HPSE: variants seen among roughly 807,000 people sequenced by gnomAD.
The protein encoded by HPSE is heparanase.
In HPSE, 48 loss-of-function variants were observed where a neutral mutation model predicts 65.1. The observed-to-expected ratio is 0.74, with a 90% CI of 0.58 to 0.94. The LOEUF (loss-of-function observed/expected upper bound fraction) is 0.94. Ranked by LOEUF, HPSE falls within the 40% of genes least tolerant of loss-of-function variation. The pLI is 0.00. For synonymous variants in HPSE, 243 were observed against 260.0 expected (o/e 0.93, Z 0.63); for missense variants, 644 against 637.5 (o/e 1.01, Z -0.11).
intron 1 of HPSE, among the ~76,000 whole-genome samples, chr4:83,324,049 T>C (rs552762024): frequency 8.6e-5 from 13 of 151,740 alleles, no homozygotes; most frequent in Admixed American, 2.0e-4. Context: ...TTTGTCTACA[T>C]GTAGGTTTAT....
Position 83,298,906 on chromosome 4 carries a change from C to T in HPSE, c.1472+2054G>A, listed in dbSNP as rs138827452. On this transcript the variant is annotated intron_variant, in intron 11 of 11. Coordinates refer to ENST00000311412, the MANE Select transcript of HPSE (RefSeq NM_001098540.3). The stretch of plus-strand genomic sequence containing the variant: ...CTCCGAGGTCATTAATATGAGTAAG[C>T]GTACAGACTGTGCACTCAAAAACTT... 5.9e-5 allele frequency among the ~76,000 whole-genome samples: 9 copies of T among 152,028 alleles called. No individual in the cohort carries two copies. In the East Asian group the frequency reaches 1.2e-3, roughly 20 times the overall value.
At chr4:83,323,877 T>C (rs923837190) in intron 1 of HPSE, among the ~76,000 whole-genome samples, 1 of 152,138 alleles carries the variant, frequency 6.6e-6, no homozygotes, top group South Asian at 2.1e-4. Flanking sequence ...TGTTCATAAA[T>C]ATTTACATGA....
intron 3 of HPSE, among the ~76,000 whole-genome samples, chr4:83,315,985 A>G (rs1736617096): frequency 6.6e-6 from 1 of 152,232 alleles, no homozygotes; most frequent in South Asian, 2.1e-4. Flanking sequence ...CCTGGAATAG[A>G]GGCTATTGAC....
At chr4:83,316,143 C>T (rs776125248) in intron 3 of HPSE, among the ~76,000 whole-genome samples, 29 of 151,944 alleles carry the variant, frequency 1.9e-4, no homozygotes, top group Non-Finnish European at 3.5e-4. Flanking sequence ...TCTCCTGCCT[C>T]CACCTCTGCA....
Position 83,310,825 on chromosome 4 carries a change from T to C in HPSE, c.739A>G (p.Ile247Val), listed in dbSNP as rs770418887. The change falls in exon 5 of 12, where the codon ATT (isoleucine) becomes GTT (valine). Residue 247 changes from isoleucine to valine, a missense_variant. Transcript: ENST00000311412. ...INGSQLGEDF[I>V]QLHKLLRKST... ...TTTCTTAGAAGTTTATGCAATTGAATAAAATCTTCTCCTAACTGCGACCCA... is the reference window on the plus strand; with the variant it reads ...TTTCTTAGAAGTTTATGCAATTGAACAAAATCTTCTCCTAACTGCGACCCA... 5 of 1,614,022 alleles carry C rather than the reference T, an allele frequency of 3.1e-6. No homozygotes were observed. The highest frequency in any genetic ancestry group is 4.2e-6 in the Non-Finnish European group (5 of 1,179,870).
intron 4 of HPSE, among the ~76,000 whole-genome samples, chr4:83,312,448 C>T (rs986723884): frequency 9.3e-5 from 14 of 149,742 alleles, no homozygotes; most frequent in African/African-American, 2.2e-4. Context: ...GACGCCGAGG[C>T]GGGCAGATCA....
rs1736488975 is a variant in HPSE, at chr4:83,313,251, C to G, written c.536G>C (p.Cys179Ser). Residue 179 changes from cysteine (C) to serine (S), a missense_variant, in exon 4 of 12, where the codon TGC (cysteine) becomes TCC (serine). Cys to Ser is a moderately radical substitution (Grantham distance 112). Transcript: ENST00000311412. ...GCCAAAGATCAAGTCCAGTCCTGAG[C>G]AGTTTGCAAAAGTGTATAGCACATC... ...SVDVLYTFANCSGLDLIFGLN... is the reference protein window; with the variant it reads ...SVDVLYTFANSSGLDLIFGLN... The G allele has an allele frequency of 4.3e-6, 7 of 1,613,730 alleles. No individual in the cohort carries two copies. Among genetic ancestry groups the G allele is most frequent in the Non-Finnish European group, 5.9e-6 (7 of 1,179,896 alleles).
chr4:83,297,838 T>C (rs535094883), intron 11 of HPSE, among the ~76,000 whole-genome samples: 15 of 152,310 alleles, frequency 9.8e-5, no homozygotes, highest in African/African-American at 2.4e-4. Flanking sequence ...CAAACAAAAA[T>C]AGGTCTTGAA....
At chr4:83,299,782 C>T (rs922167209) in intron 11 of HPSE, among the ~76,000 whole-genome samples, 3 of 152,054 alleles carry the variant, frequency 2.0e-5, no homozygotes, top group Admixed American at 2.0e-4. Context: ...CAGCTCACTG[C>T]AGCCATGACC....
At chr4:83,307,159 T>C (rs1048354733) in intron 8 of HPSE, among the ~76,000 whole-genome samples, 5 of 152,190 alleles carry the variant, frequency 3.3e-5, no homozygotes, top group African/African-American at 1.2e-4. Context: ...ATTTGAGTAA[T>C]AATAAAACTC....
chr4:83,328,119 T>C (rs1421568397), intron 1 of HPSE, among the ~76,000 whole-genome samples: 1 of 152,236 alleles, frequency 6.6e-6, no homozygotes, highest in Non-Finnish European at 1.5e-5. Context: ...TCCAAGAGAC[T>C]GTATTAGTTT....
intron 11 of HPSE, among the ~76,000 whole-genome samples, chr4:83,297,431 C>G (rs535823683): frequency 3.3e-5 from 5 of 151,676 alleles, no homozygotes; most frequent in Non-Finnish European, 7.4e-5. Flanking sequence ...CTTTTTCTCA[C>G]ACCATTAAAC....
intron 9 of HPSE, 73 bp from the exon 10 acceptor site, chr4:83,302,341 G>A (rs1735984065): frequency 9.0e-6 from 8 of 889,092 alleles, no homozygotes; most frequent in Middle Eastern, 2.2e-4. Flanking sequence ...GAAACCAGTG[G>A]CAAGCAAATA....
At chr4:83,308,133 C>A (rs914051344) in intron 8 of HPSE, among the ~76,000 whole-genome samples, 1 of 150,258 alleles carries the variant, frequency 6.7e-6, no homozygotes, top group African/African-American at 2.5e-5. Context: ...TGTGGCCGGG[C>A]GTGGTGGCTC....
chr4:83,323,129 T>C (rs1578024238), intron 1 of HPSE, among the ~76,000 whole-genome samples: 1 of 151,946 alleles, frequency 6.6e-6, no homozygotes, highest in South Asian at 2.1e-4. Context: ...TATGGGACAG[T>C]AAAAAGATCA....
chr4:83,334,523 GA>G, intron 1 of HPSE, 32 bp downstream of exon 1: 1 of 1,547,754 alleles, frequency 6.5e-7, no homozygotes, highest in Non-Finnish European at 8.7e-7. Flanking sequence ...AGGAGGACAG[GA>G]AAGGGGACAG....
chr4:83,328,656 AG>A (rs765440211), intron 1 of HPSE, among the ~76,000 whole-genome samples: 6 of 151,268 alleles, frequency 4.0e-5, no homozygotes, highest in Non-Finnish European at 7.4e-5. Flanking sequence ...TGCCATCATG[AG>A]GGCAGAACAG....
chr4:83,295,447 G>A lies in HPSE; in HGVS notation c.1529C>T (p.Pro510Leu), dbSNP rs772349039. ...TGGCCGGAGAGGTTTTTCCATTAAA[G>A]GTGGCAAGGTTTGATCATCCACCAT... ...LKMVDDQTLP[P>L]LMEKPLRPGS... Residue 510 changes from proline to leucine, a missense_variant, in exon 12 of 12, where the codon CCT becomes CTT. By Grantham distance (98) the Pro-to-Leu change is moderately conservative. Coordinates refer to ENST00000311412, the MANE Select transcript of HPSE (RefSeq NM_001098540.3). 1 of 1,613,026 alleles carries A rather than the reference G, an allele frequency of 6.2e-7. No homozygotes were observed. Among genetic ancestry groups the A allele is most frequent in the East Asian group, 2.2e-5 (1 of 44,850 alleles).
rs1736307630 is a variant in HPSE, at chr4:83,310,056, C to G, written c.865G>C (p.Val289Leu). The G allele has an allele frequency of 1.2e-6, 2 of 1,611,170 alleles. No individual in the cohort carries two copies. The highest frequency in any genetic ancestry group is 1.7e-5 in the Admixed American group (1 of 59,746). ...LKSFLKAGGE[V>L]IDSVTWHHYY... ...TGATGCCATGTAACTGAATCAATCACTTCTCCACCAGCCTTCAGGAAGCTA... is the reference window on the plus strand; with the variant it reads ...TGATGCCATGTAACTGAATCAATCAGTTCTCCACCAGCCTTCAGGAAGCTA... Residue 289 changes from valine (V) to leucine (L), a missense_variant, in exon 6 of 12, where the codon GTG (valine) becomes CTG (leucine). Transcript: ENST00000311412.
Sources: gnomAD v4.1 joint callset for allele counts (sites outside exome capture counted in the v4.1 genomes callset) on GRCh38, gnomAD v4.1.1 for gene constraint, MANE v1.5 for transcripts, NCBI Gene and HGNC (gene_info 2026-07-23, HGNC 2026-07-21) for gene names.